The following SLC30A9 variants were observed in gnomAD, a reference collection of about 807,000 sequenced individuals.
SLC30A9 encodes proton-coupled zinc antiporter SLC30A9, mitochondrial.
In SLC30A9, 58 loss-of-function variants were observed where a neutral mutation model predicts 87.5. The ratio of observed to expected loss-of-function variants is 0.66; its 90% CI spans 0.54 to 0.82. SLC30A9 has a LOEUF of 0.82. Among genes scored for constraint, SLC30A9 ranks in the 40% least tolerant of loss-of-function variants. The probability of loss-of-function intolerance (pLI) is 0.00; values close to 1 mark genes in which losing one functional copy is unlikely to be tolerated. For synonymous variants in SLC30A9, 234 were observed against 233.0 expected, an observed-to-expected ratio of 1.00 and a Z score of -0.04; for missense variants, 557 against 679.1, an observed-to-expected ratio of 0.82 and a Z score of 2.00.
At chr4:42,044,136 A>T (rs1717041864) in intron 8 of SLC30A9, among the ~76,000 whole-genome samples, 1 of 152,200 alleles carries the variant, frequency 6.6e-6, no homozygotes, top group Non-Finnish European at 1.5e-5. Flanking sequence ...TGACACTATA[A>T]AGAAACTGCA....
chr4:41,998,176 A>G (rs1462198185), intron 1 of SLC30A9, among the ~76,000 whole-genome samples: 2 of 152,232 alleles, frequency 1.3e-5, no homozygotes, highest in East Asian at 3.9e-4. Flanking sequence ...GGCAGTGGCC[A>G]TTAGGTCACT....
chr4:42,013,458 T>C (rs959832310), intron 2 of SLC30A9, among the ~76,000 whole-genome samples: 3 of 152,166 alleles, frequency 2.0e-5, no homozygotes, highest in African/African-American at 7.2e-5. Context: ...TTTCAAATTA[T>C]ACTACAGGGC....
intron 15 of SLC30A9, among the ~76,000 whole-genome samples, 154 bp from the exon 16 acceptor site, chr4:42,075,503 T>G (rs1253445968): frequency 6.6e-6 from 1 of 152,052 alleles, no homozygotes; most frequent in Non-Finnish European, 1.5e-5. Flanking sequence ...TGGAAAATGA[T>G]AGGTGGTACT....
rs1013550721 is a variant in SLC30A9, at chr4:42,086,758, C to T, written c.*632C>T. On this transcript the variant is annotated 3_prime_UTR_variant, in exon 18 of 18. Coordinates refer to ENST00000264451, the MANE Select transcript of SLC30A9 (RefSeq NM_006345.4). ...AATTGAATGAAGACATCTCAGTACA[C>T]TCTTTTAGGTCATAGTAGTTGCCAT... is the stretch of plus-strand genomic sequence containing the variant. The T allele has an allele frequency of 5.2e-5, 8 of 152,598 alleles. No individual in the cohort carries two copies. Among genetic ancestry groups the T allele is most frequent in the East Asian group, 1.9e-4 (1 of 5,204 alleles). 9.5% of individuals were successfully genotyped at this position (152,598 alleles called of 1,614,324 possible).
At chr4:42,048,016 G>C (rs1169277304) in intron 8 of SLC30A9, among the ~76,000 whole-genome samples, 1 of 151,904 alleles carries the variant, frequency 6.6e-6, no homozygotes, top group Non-Finnish European at 1.5e-5. Flanking sequence ...TCATAAGTGA[G>C]AGCTGAACAA....
At chr4:42,059,887 AT>A (rs1469957683) in intron 9 of SLC30A9, among the ~76,000 whole-genome samples, 2 of 151,878 alleles carry the variant, frequency 1.3e-5, no homozygotes, top group African/African-American at 4.8e-5. Context: ...CTCTAACCCT[AT>A]TTTTTTAACC....
chr4:42,044,317 C>T (rs1235764180), intron 8 of SLC30A9, among the ~76,000 whole-genome samples: 1 of 146,288 alleles, frequency 6.8e-6, no homozygotes, highest in Non-Finnish European at 1.5e-5. Flanking sequence ...GGAGACCCAT[C>T]TGACGTGCAA....
At chr4:42,050,542 T>C (rs1717343086) in intron 9 of SLC30A9, among the ~76,000 whole-genome samples, 1 of 152,214 alleles carries the variant, frequency 6.6e-6, no homozygotes, top group African/African-American at 2.4e-5. Context: ...GTGTTCATTC[T>C]CTATGCTATT....
At chr4:42,008,416 A>G (rs1577681764) in intron 2 of SLC30A9, among the ~76,000 whole-genome samples, 3 of 152,340 alleles carry the variant, frequency 2.0e-5, no homozygotes, top group Admixed American at 2.0e-4. Flanking sequence ...CCATGACAGC[A>G]TGAACCTCAG....
intron 6 of SLC30A9, chr4:42,029,426 C>A: frequency 1.7e-6 from 1 of 571,520 alleles, no homozygotes; most frequent in Non-Finnish European, 3.4e-6. Flanking sequence ...AACCACATAT[C>A]AGGACCCCCA....
chr4:42,001,289 A>T (rs1462698011), intron 1 of SLC30A9, among the ~76,000 whole-genome samples: 1 of 152,056 alleles, frequency 6.6e-6, no homozygotes, highest in African/African-American at 2.4e-5. Flanking sequence ...CTTCCCTCCC[A>T]GAGTCCTTTA....
chr4:42,022,205 G>A (rs1168838276), intron 4 of SLC30A9, among the ~76,000 whole-genome samples: 3 of 150,542 alleles, frequency 2.0e-5, no homozygotes, highest in African/African-American at 7.3e-5. Flanking sequence ...AAAGTGCTGG[G>A]ATTACAGGTG....
intron 2 of SLC30A9, among the ~76,000 whole-genome samples, chr4:42,009,519 G>T (rs1715353016): frequency 6.6e-6 from 1 of 152,182 alleles, no homozygotes; most frequent in Non-Finnish European, 1.5e-5. Context: ...AACAGCCAGG[G>T]TTTGAGCTTA....
chr4:42,033,431 G>A lies in SLC30A9; in HGVS notation c.611-1844G>A, dbSNP rs572363130. ...AGGTGGGAGGATCACTTGAGACCAG[G>A]AGTTTGAGACCAGCCTGGGCAACAT... On this transcript the variant is annotated intron_variant, in intron 6 of 17. Coordinates refer to ENST00000264451, the MANE Select transcript of SLC30A9 (RefSeq NM_006345.4). 2.6e-3 allele frequency among the ~76,000 whole-genome samples: 399 copies of A among 151,830 alleles called. 1 individual carries two copies. Among genetic ancestry groups the A allele is most frequent in the South Asian group, 6.4e-3 (31 of 4,812 alleles).
chr4:42,023,926 G>A (rs1231972984), intron 6 of SLC30A9, among the ~76,000 whole-genome samples: 1 of 152,074 alleles, frequency 6.6e-6, no homozygotes, highest in African/African-American at 2.4e-5. Flanking sequence ...ATCAGATCTC[G>A]AGAACTCAGT....
At chr4:42,039,550 C>T (rs1303331052) in intron 8 of SLC30A9, among the ~76,000 whole-genome samples, 1 of 151,464 alleles carries the variant, frequency 6.6e-6, no homozygotes, top group African/African-American at 2.4e-5. Flanking sequence ...GCAATCTCTG[C>T]CTCCCGGGTT....
At chr4:42,034,208 A>G (rs1200210831) in intron 6 of SLC30A9, among the ~76,000 whole-genome samples, 1 of 151,592 alleles carries the variant, frequency 6.6e-6, no homozygotes, top group African/African-American at 2.4e-5. Context: ...TTGAGAAAAG[A>G]ATCTTACCAA....
intron 14 of SLC30A9, 103 bp downstream of exon 14, chr4:42,067,295 A>T: frequency 2.9e-6 from 2 of 685,994 alleles, no homozygotes; most frequent in South Asian, 3.2e-5. Flanking sequence ...TAAACCAACA[A>T]ATTGTTAAAT....
chr4:42,003,775 T>C (rs78421445), intron 2 of SLC30A9, among the ~76,000 whole-genome samples: 2 of 151,838 alleles, frequency 1.3e-5, no homozygotes, highest in Non-Finnish European at 2.9e-5. Flanking sequence ...TAATTTTTTT[T>C]CTCATTCCGT....
Sources: gnomAD v4.1 joint callset for allele counts (sites outside exome capture counted in the v4.1 genomes callset) on GRCh38, gnomAD v4.1.1 for gene constraint, MANE v1.5 for transcripts, NCBI Gene and HGNC (gene_info 2026-07-23, HGNC 2026-07-21) for gene names.